CSF2RA: variants seen among roughly 807,000 people sequenced by gnomAD.
CSF2RA encodes the protein colony stimulating factor 2 receptor subunit alpha, also known as granulocyte-macrophage colony-stimulating factor receptor subunit alpha.
In CSF2RA, 42 loss-of-function variants were observed where a neutral mutation model predicts 51.6. The ratio of observed to expected loss-of-function variants is 0.81; its 90% confidence interval spans 0.64 to 1.05. The LOEUF is 1.05. CSF2RA is among the 50% of genes least tolerant of loss of function. The probability of loss-of-function intolerance (pLI) is 0.00; values close to 1 mark genes in which losing one functional copy is unlikely to be tolerated. For missense variants in CSF2RA, 530 were observed against 501.1 expected, an observed-to-expected ratio of 1.06 and a Z score of -0.55; for synonymous variants, 222 against 193.0, an observed-to-expected ratio of 1.15 and a Z score of -1.24.
At chrX:1,282,504 G>A (rs2090171115) in intron 2 of CSF2RA, 174 bp from the exon 3 acceptor site, 2 of 667,600 alleles carry the variant, frequency 3.0e-6, no homozygotes, top group East Asian at 2.6e-5. Flanking sequence ...CCATGTGGGA[G>A]ACAGAATAAT....
chrX:1,308,084 C>G (rs1266465310), intron 12 of CSF2RA, among the ~76,000 whole-genome samples: 3 of 151,904 alleles, frequency 2.0e-5, no homozygotes, highest in African/African-American at 7.3e-5. Context: ...CCCTTTAGAC[C>G]TTTGACTGAT....
the CSF2RA span, among the ~76,000 whole-genome samples, chrX:1,323,172 A>AAAT: frequency 6.6e-5 from 10 of 151,408 alleles, no homozygotes; most frequent in Non-Finnish European, 1.2e-4. Context: ...AAATAAAATA[A>AAAT]AATAAAATAA....
At chrX:1,291,599 C>T (rs1338253743) in intron 7 of CSF2RA, among the ~76,000 whole-genome samples, 2 of 152,036 alleles carry the variant, frequency 1.3e-5, no homozygotes, top group Non-Finnish European at 2.9e-5. Context: ...TTCCCAGCCT[C>T]TTCAGGCTTA....
intron 1 of CSF2RA, among the ~76,000 whole-genome samples, chrX:1,274,513 C>G: frequency 9.5e-5 from 1 of 10,492 alleles, no homozygotes; most frequent in African/African-American, 2.6e-4. Flanking sequence ...TTAGTAGAGA[C>G]GGGGTTTCAC....
At chrX:1,322,381 G>A in the CSF2RA span, among the ~76,000 whole-genome samples, 1 of 150,550 alleles carries the variant, frequency 6.6e-6, no homozygotes, top group Non-Finnish European at 1.5e-5. Flanking sequence ...CAAAGTGCTG[G>A]GATTACAGGC....
chrX:1,276,059 G>A (rs1479095154), intron 2 of CSF2RA, among the ~76,000 whole-genome samples: 6 of 151,750 alleles, frequency 4.0e-5, no homozygotes, highest in Admixed American at 6.6e-5. Context: ...GGAGTGCAGT[G>A]GAGCGATCTC....
intron 6 of CSF2RA, 27 bp from the exon 7 acceptor site, chrX:1,290,310 C>A (rs778093568): frequency 5.7e-6 from 9 of 1,591,786 alleles, no homozygotes; most frequent in Non-Finnish European, 7.8e-6. Context: ...TTCCTGATTG[C>A]TCTCTGAGCA....
chrX:1,279,786 T>TG lies in CSF2RA; in HGVS notation c.-26-2892_-26-2891insG, dbSNP rs60572973. 1.6e-3 allele frequency among the ~76,000 whole-genome samples: 242 copies of TG among 151,608 alleles called. 3 individuals are homozygous for TG. The East Asian group carries it at 0.037, about 23-fold the overall frequency. ...TCTGAGAGACACAACCGTTTTTTTT[T>TG]TTTGTTTGTTTGCTTTTCCTTGAGA... On this transcript the variant is annotated intron_variant, in intron 2 of 12. Coordinates refer to ENST00000381529, the MANE Select transcript of CSF2RA (RefSeq NM_172245.4).
At chrX:1,277,841 G>T (rs1373785592) in intron 2 of CSF2RA, among the ~76,000 whole-genome samples, 1 of 149,800 alleles carries the variant, frequency 6.7e-6, no homozygotes, top group Non-Finnish European at 1.5e-5. Flanking sequence ...GCCAGGCATG[G>T]TGGTGCGTGC....
chrX:1,305,593 GCCTCTGGGTGTCGACCAT>G (rs1328243513), intron 12 of CSF2RA, 66 bp downstream of exon 12: 9 of 1,613,946 alleles, frequency 5.6e-6, no homozygotes, highest in Non-Finnish European at 6.8e-6. Flanking sequence ...GTGGGACACG[GCCTCTGGGTGTCGACCAT>G]CTTGCTTCTC....
intron 7 of CSF2RA, among the ~76,000 whole-genome samples, chrX:1,291,169 G>C (rs1347778394): frequency 6.6e-6 from 1 of 152,022 alleles, no homozygotes; most frequent in African/African-American, 2.4e-5. Flanking sequence ...TGATCCACCT[G>C]CCTCAGCCTC....
chrX:1,285,732 G>C (rs199901141), intron 3 of CSF2RA, 46 bp from the exon 4 acceptor site: 1 of 718,488 alleles, frequency 1.4e-6, no homozygotes, highest in South Asian at 2.6e-5. Flanking sequence ...AAAAAAAAAA[G>C]GAAAAGAAAA....
chrX:1,300,238 TAA>T (rs1278902636), intron 9 of CSF2RA: 1 of 426,248 alleles, frequency 2.3e-6, no homozygotes, highest in East Asian at 4.2e-5. Flanking sequence ...ATAAATAAAA[TAA>T]AATAAAAAAG....
intron 9 of CSF2RA, among the ~76,000 whole-genome samples, chrX:1,299,732 A>T (rs1256676300): frequency 6.6e-6 from 1 of 152,084 alleles, no homozygotes; most frequent in Admixed American, 6.6e-5. Context: ...AGCCTGGGCA[A>T]CATGGAGAAA....
intron 12 of CSF2RA, among the ~76,000 whole-genome samples, chrX:1,306,239 A>G (rs1347862250): frequency 6.6e-6 from 1 of 152,060 alleles, no homozygotes; most frequent in Non-Finnish European, 1.5e-5. Context: ...TGACAGAAAC[A>G]AAGGCAGACA....
chrX:1,323,001 C>T, the CSF2RA span, among the ~76,000 whole-genome samples: 2 of 151,514 alleles, frequency 1.3e-5, no homozygotes, highest in East Asian at 1.9e-4. Context: ...TGGTGGCGGG[C>T]GCCTGTGGTC....
intron 9 of CSF2RA, among the ~76,000 whole-genome samples, chrX:1,298,639 G>A (rs2092153271): frequency 1.8e-4 from 1 of 5,528 alleles, no homozygotes; most frequent in African/African-American, 3.6e-4. Context: ...TCCTACCCAT[G>A]ACCCCTGGTG....
rs1218814208 is a variant in CSF2RA at position 1,309,492 on chromosome X, G to A, written c.*13G>A. ...GGAAATTACCTGAGACCCAGAGGGT[G>A]TAGGAATGGCATGGACATCTCCGCC... On this transcript the variant is annotated 3_prime_UTR_variant, in exon 13 of 13. Coordinates refer to ENST00000381529, the MANE Select transcript of CSF2RA (RefSeq NM_172245.4). 1.2e-6 allele frequency: 2 copies of A among 1,614,012 alleles called. No homozygotes were observed. Among genetic ancestry groups the A allele is most frequent in the Non-Finnish European group, 1.7e-6 (2 of 1,179,864 alleles).
At chrX:1,301,791 A>T (rs2082972574) in intron 10 of CSF2RA, among the ~76,000 whole-genome samples, 1 of 147,264 alleles carries the variant, frequency 6.8e-6, no homozygotes. Flanking sequence ...TTTTTAGTAG[A>T]GACAGGGTTT....
Sources: allele counts gnomAD v4.1 joint callset (sites outside exome capture counted in the v4.1 genomes callset), GRCh38; gene constraint gnomAD v4.1.1; transcripts MANE v1.5; gene names NCBI Gene and HGNC (gene_info 2026-07-23, HGNC 2026-07-21).